Variants in CCDC47 observed in about 807,000 individuals in gnomAD.
CCDC47 encodes the protein PAT complex subunit CCDC47.
Under a neutral mutation model 60.5 loss-of-function variants are expected in CCDC47, and 41 were observed. The observed-to-expected ratio is 0.68, with a 90% confidence interval of 0.53 to 0.88. The LOEUF is 0.88. Ranked by LOEUF, CCDC47 falls within the 40% of genes least tolerant of loss-of-function variation. CCDC47 has a pLI of 0.00. For synonymous variants in CCDC47, 195 were observed against 190.7 expected (o/e 1.02, Z -0.18); for missense variants, 513 against 580.9 (o/e 0.88, Z 1.20).
In CCDC47 at chr17:63,764,802, C is replaced by T. The variant is rs1450661862; in HGVS notation, c.310G>A (p.Gly104Ser). ...SEPYDDEEFE[G>S]YEDKPDTSSS... ...GAAGTATCTGGTTTGTCTTCATAACCTTCAAATTCTTCATCATCATATGGT... is the reference window on the plus strand; with the variant it reads ...GAAGTATCTGGTTTGTCTTCATAACTTTCAAATTCTTCATCATCATATGGT... Residue 104 changes from glycine to serine, a missense_variant, in exon 3 of 13, where the codon GGT (glycine) becomes AGT (serine). Transcript: ENST00000225726. 3 of 1,612,666 alleles carry T rather than the reference C, an allele frequency of 1.9e-6. No individual in the cohort carries two copies. In the South Asian group the frequency reaches 3.3e-5, roughly 18 times the overall value.
chr17:63,755,814 T>C (rs1024400832), intron 8 of CCDC47, among the ~76,000 whole-genome samples: 1 of 150,834 alleles, frequency 6.6e-6, no homozygotes, highest in Non-Finnish European at 1.5e-5. Context: ...ATCACACACA[T>C]GAATAGCCAC....
chr17:63,766,552 T>A (rs1031987729), intron 1 of CCDC47, among the ~76,000 whole-genome samples: 1 of 152,128 alleles, frequency 6.6e-6, no homozygotes. Context: ...GCCTCCCGAG[T>A]AGCTGGGATT....
chr17:63,751,821 T>C, intron 12 of CCDC47, 119 bp downstream of exon 12: 2 of 1,065,278 alleles, frequency 1.9e-6, no homozygotes, highest in Non-Finnish European at 1.5e-6. Context: ...TGATACAATG[T>C]CCCAAATGTT....
chr17:63,747,656 G>A (rs1184053437), intron 12 of CCDC47: 1 of 985,226 alleles, frequency 1.0e-6, no homozygotes, highest in Non-Finnish European at 1.2e-6. Context: ...GTTTATTTCA[G>A]CTACAATCTC....
At chr17:63,768,735 A>G (rs1215953422) in intron 1 of CCDC47, among the ~76,000 whole-genome samples, 2 of 152,110 alleles carry the variant, frequency 1.3e-5, no homozygotes, top group African/African-American at 4.8e-5. Flanking sequence ...AAGTAATTAA[A>G]AAAAAATTGT....
chr17:63,761,031 T>A, intron 5 of CCDC47, 52 bp from the exon 6 acceptor site: 1 of 1,471,366 alleles, frequency 6.8e-7, no homozygotes, highest in Non-Finnish European at 9.4e-7. Flanking sequence ...CTACTTAGTA[T>A]AAAAAAAAGG....
rs144077995 is a variant in CCDC47 at position 63,752,013 on chromosome 17, C to T, written c.1298G>A (p.Arg433Gln). The T allele has an allele frequency of 7.4e-6, 12 of 1,613,522 alleles. No homozygotes were observed. Among genetic ancestry groups the T allele is most frequent in the Non-Finnish European group, 9.3e-6 (11 of 1,179,992 alleles). The stretch of plus-strand genomic sequence containing the variant: ...CTTCTCTGCTCTTTTTTTCTCCTCC[C>T]GCCGAGACTGTGCTGCTTCCTGTCT... ...VQRQEAAQSR[R>Q]EEKKRAEKER... Residue 433 changes from arginine to glutamine, a missense_variant, in exon 12 of 13, where the codon CGG becomes CAG. Transcript: ENST00000225726.
intron 12 of CCDC47, among the ~76,000 whole-genome samples, chr17:63,750,902 T>C (rs1182770933): frequency 6.6e-6 from 1 of 150,792 alleles, no homozygotes; most frequent in East Asian, 2.0e-4. Context: ...TCTCCCTCTT[T>C]TTTTTTTGGC....
intron 7 of CCDC47, 21 bp from the exon 8 acceptor site, chr17:63,756,371 A>G: frequency 6.2e-7 from 1 of 1,600,616 alleles, no homozygotes; most frequent in Non-Finnish European, 8.6e-7. Flanking sequence ...AAGTAATTGA[A>G]AGTAAGATAT....
rs753300975 is a variant in CCDC47, at chr17:63,752,433, G to C, written c.1094-4C>G. The C allele has an allele frequency of 1.9e-6, 3 of 1,588,980 alleles. No homozygotes were observed. The African/African-American group carries it at 4.1e-5, about 21-fold the overall frequency. On this transcript the variant is annotated splice_polypyrimidine_tract_variant and splice_region_variant and intron_variant, in intron 10 of 12. Transcript: ENST00000225726. ...TAAGTGTTACCTGAGCCAGGCACTG[G>C]AAAACAAAGCCATTTTTCCTACTGA...
At chr17:63,766,989 C>T in intron 1 of CCDC47, 9 of 960,934 alleles carry the variant, frequency 9.4e-6, no homozygotes, top group Non-Finnish European at 1.1e-5. Flanking sequence ...TCACTATGTG[C>T]TAGACACTGT....
At chr17:63,762,119 G>A (rs2039265988) in intron 4 of CCDC47, 10 of 984,076 alleles carry the variant, frequency 1.0e-5, no homozygotes, top group Non-Finnish European at 1.1e-5. Context: ...TCTTACTAAT[G>A]GTATTAAGAG....
Position 63,762,527 on chromosome 17 carries a change from G to C in CCDC47, c.548-1176C>G, listed in dbSNP as rs183640744. Among the ~76,000 whole-genome samples the C allele has an allele frequency of 1.9e-3, 285 of 152,322 alleles. 2 individuals carry two copies. Among genetic ancestry groups the C allele is most frequent in the Admixed American group, 5.1e-3 (78 of 15,300 alleles). On this transcript the variant is annotated intron_variant, in intron 4 of 12. Coordinates refer to ENST00000225726, the MANE Select transcript of CCDC47 (RefSeq NM_020198.3). ...AGAAACACTGTATGCAAAGTATCTA[G>C]CATAATATATAAACACTACTGTGTT...
chr17:63,747,269 A>T, intron 12 of CCDC47: 1 of 985,028 alleles, frequency 1.0e-6, no homozygotes, highest in Non-Finnish European at 1.2e-6. Context: ...GTACCCAGGG[A>T]ACACTTAGCC....
Position 63,764,013 on chromosome 17 carries a change from T to G in CCDC47, c.547+3A>C. The G allele has an allele frequency of 1.3e-6, 2 of 1,584,950 alleles. No homozygotes were observed. The highest frequency in any genetic ancestry group is 1.7e-6 in the Non-Finnish European group (2 of 1,169,878). On this transcript the variant is annotated splice_donor_region_variant and intron_variant, in intron 4 of 12. Transcript: ENST00000225726. ...AAGCTGGGCTGACATTGGCCTCACT[T>G]ACCCACTAAAGTAAAGTTGCTCTCC...
rs1347855854 is a variant in CCDC47 at position 63,756,282 on chromosome 17, C to G, written c.906G>C (p.Leu302=). 10 of 1,614,048 alleles carry G rather than the reference C, an allele frequency of 6.2e-6. No homozygotes were observed. The highest frequency in any genetic ancestry group is 8.5e-6 in the Non-Finnish European group (10 of 1,180,016). ...CGTCTGTGACTTCTCCCATCTCTGA[C>G]AGGATGGCCAAAGAGTCCGGCAGTC... ...KYGLPDSLAI[L]SEMGEVTDGM... Residue 302 remains leucine (L), a synonymous_variant, in exon 8 of 13, where the codon CTG becomes CTC. Transcript: ENST00000225726.
In CCDC47 at chr17:63,761,311, C is replaced by T; in HGVS notation, c.588G>A (p.Lys196=). ...AGATGTGCTCATTCTCCTGGTTCAA[C>T]TTTCCTGTGCTTGTGGCTTCTTTGT... The part of the protein sequence containing the change: ...GTNKEATSTG[K]LNQENEHIYN... Residue 196 remains lysine, a synonymous_variant, in exon 5 of 13, where the codon AAG becomes AAA. Transcript: ENST00000225726. The T allele has an allele frequency of 6.2e-7, 1 of 1,614,062 alleles. No homozygotes were observed. The highest frequency in any genetic ancestry group is 8.5e-7 in the Non-Finnish European group (1 of 1,179,988).
intron 1 of CCDC47, chr17:63,767,013 C>T (rs968702402): frequency 1.2e-6 from 1 of 802,834 alleles, no homozygotes; most frequent in Non-Finnish European, 1.5e-6. Context: ...AAAGACTTTA[C>T]AAAAAGCAAC....
chr17:63,773,146 C>A (rs1327560345), intron 1 of CCDC47, among the ~76,000 whole-genome samples: 1 of 152,210 alleles, frequency 6.6e-6, no homozygotes, highest in Non-Finnish European at 1.5e-5. Flanking sequence ...AGACTGGCCA[C>A]AGAGGTTTTT....
Sources: gnomAD v4.1 joint callset for allele counts (sites outside exome capture counted in the v4.1 genomes callset) on GRCh38, gnomAD v4.1.1 for gene constraint, MANE v1.5 for transcripts, NCBI Gene and HGNC (gene_info 2026-07-23, HGNC 2026-07-21) for gene names.